The following TDP1 variants were observed in gnomAD, a reference collection of about 807,000 sequenced individuals.
The protein encoded by TDP1 is tyrosyl-DNA phosphodiesterase 1, also known as tyr-DNA phosphodiesterase 1.
In TDP1, 64 loss-of-function variants were observed where a neutral mutation model predicts 81.5. The ratio of observed to expected loss-of-function variants is 0.79; its 90% CI spans 0.64 to 0.97. TDP1 has a LOEUF of 0.97. Among genes scored for constraint, TDP1 ranks in the 50% least tolerant of loss-of-function variants. TDP1 has a pLI of 0.00. For missense variants in TDP1, 723 were observed against 743.8 expected, an observed-to-expected ratio of 0.97 and a Z score of 0.33; for synonymous variants, 256 against 264.3, an observed-to-expected ratio of 0.97 and a Z score of 0.30.
chr14:89,958,703 A>G lies in TDP1; in HGVS notation c.-8+1903A>G, dbSNP rs149049986. Among the ~76,000 whole-genome samples the G allele has an allele frequency of 2.3e-3, 343 of 152,304 alleles. 2 individuals are homozygous for G. The highest frequency in any genetic ancestry group is 7.3e-3 in the African/African-American group (303 of 41,564). ...TGCCAAGTGGGAAGAGGGGTTATCA[A>G]TCCGGTCCGTGGATTTACCCAACAC... On this transcript the variant is annotated intron_variant, in intron 2 of 16. Coordinates refer to ENST00000335725, the MANE Select transcript of TDP1 (RefSeq NM_018319.4).
At chr14:90,036,804 T>C (rs1010395005) in intron 16 of TDP1, among the ~76,000 whole-genome samples, 1,221 of 99,530 alleles carry the variant, frequency 0.012, no homozygotes, top group African/African-American at 0.025. Flanking sequence ...AAGAAGCCCC[T>C]CCCCCGCCCC....
At chr14:90,039,206 A>C (rs34130793) in intron 16 of TDP1, among the ~76,000 whole-genome samples, 5,357 of 152,310 alleles carry the variant, frequency 0.035, 134 homozygotes, top group South Asian at 0.067. Context: ...GAAAGGTGTT[A>C]ATGGGTTTCA....
chr14:89,962,883 AAG>A, intron 2 of TDP1: 1 of 984,072 alleles, frequency 1.0e-6, no homozygotes, highest in Non-Finnish European at 1.2e-6. Context: ...CAAAAAAAAA[AAG>A]GAAGAAAAAA....
intron 14 of TDP1, among the ~76,000 whole-genome samples, chr14:89,997,225 T>C (rs966850010): frequency 2.6e-5 from 4 of 152,190 alleles, no homozygotes; most frequent in Non-Finnish European, 5.9e-5. Flanking sequence ...CTAGACTCTG[T>C]GAGGCCAAGT....
chr14:89,958,331 C>T (rs898220072), intron 2 of TDP1: 4 of 152,224 alleles, frequency 2.6e-5, no homozygotes, highest in Admixed American at 6.5e-5. Context: ...TTAGCTGGTC[C>T]GAATTTCTTG....
At chr14:90,019,884 G>A (rs1044408702) in intron 15 of TDP1, among the ~76,000 whole-genome samples, 1 of 152,110 alleles carries the variant, frequency 6.6e-6, no homozygotes, top group Non-Finnish European at 1.5e-5. Context: ...TGGCATCAAC[G>A]TTGGAAAGGA....
chr14:89,990,834 G>A (rs984191997), intron 12 of TDP1, among the ~76,000 whole-genome samples: 5 of 149,598 alleles, frequency 3.3e-5, no homozygotes, highest in African/African-American at 9.9e-5. Context: ...GATCAGTGTG[G>A]AGAAGTTCCA....
At chr14:90,042,110 T>C (rs1395734928) in intron 16 of TDP1, among the ~76,000 whole-genome samples, 3 of 152,226 alleles carry the variant, frequency 2.0e-5, no homozygotes, top group Non-Finnish European at 4.4e-5. Context: ...CATGTTGTTT[T>C]CTTCAGCATT....
At chr14:89,983,248 C>A in intron 8 of TDP1, 1 of 423,396 alleles carries the variant, frequency 2.4e-6, no homozygotes. Context: ...GGCAAAGGCC[C>A]AGAGAGATCA....
intron 13 of TDP1, 95 bp from the exon 14 acceptor site, chr14:89,993,281 G>A (rs1896374968): frequency 7.9e-7 from 1 of 1,270,850 alleles, no homozygotes; most frequent in Non-Finnish European, 1.1e-6. Flanking sequence ...TTGATTTTTA[G>A]ATAATAGGCT....
At chr14:90,017,663 C>T (rs1885475555) in intron 14 of TDP1, among the ~76,000 whole-genome samples, 2 of 152,268 alleles carry the variant, frequency 1.3e-5, no homozygotes, top group East Asian at 1.9e-4. Flanking sequence ...GGCCAGAAAG[C>T]GATCATCTAA....
chr14:90,025,838 G>C (rs571772123), intron 15 of TDP1, among the ~76,000 whole-genome samples: 17 of 152,238 alleles, frequency 1.1e-4, no homozygotes, highest in African/African-American at 3.9e-4. Context: ...TCATTCCTTT[G>C]GTGTTTATTG....
chr14:90,004,255 CCTGA>C (rs959048414), intron 14 of TDP1, among the ~76,000 whole-genome samples: 32 of 152,216 alleles, frequency 2.1e-4, no homozygotes, highest in Admixed American at 1.8e-3. Flanking sequence ...GCTTGAGACC[CCTGA>C]CTTAGTGCCT....
Position 89,963,616 on chromosome 14 carries a change from C to G in TDP1, c.502C>G (p.Leu168Val). Reference protein sequence around the residue: ...LDKGNPFQFYLTRVSGVKPKY... With the variant: ...LDKGNPFQFYVTRVSGVKPKY... The stretch of plus-strand genomic sequence containing the variant: ...TAAAGGGAACCCCTTCCAGTTTTAC[C>G]TCACTAGAGTCTCTGGAGTTAAGCC... The change falls in exon 3 of 17, where the codon CTC becomes GTC. Residue 168 changes from leucine to valine, a missense_variant. By Grantham distance (32) the Leu-to-Val change is conservative. Coordinates refer to ENST00000335725, the MANE Select transcript of TDP1 (RefSeq NM_018319.4). The G allele has an allele frequency of 6.2e-7, 1 of 1,614,114 alleles. No homozygotes were observed.
At chr14:89,967,265 C>T in intron 4 of TDP1, 102 bp from the exon 5 acceptor site, 1 of 1,346,024 alleles carries the variant, frequency 7.4e-7, no homozygotes, top group East Asian at 2.3e-5. Flanking sequence ...TAGTGTATCA[C>T]TATTTTAGAG....
chr14:90,000,727 C>T (rs921992133), intron 14 of TDP1, among the ~76,000 whole-genome samples: 2 of 152,168 alleles, frequency 1.3e-5, no homozygotes, highest in Non-Finnish European at 2.9e-5. Flanking sequence ...ATCTTATTCT[C>T]CAATTTTGGC....
rs750979334 is a variant in TDP1, at chr14:90,030,117, A to C, written c.1645-2989A>C. ...CTGCAAAAGCAAGAGATAATTAGGG[A>C]CTTCCTCAGATCCAGAGTGTGTCAA... On this transcript the variant is annotated intron_variant, in intron 15 of 16. Coordinates refer to ENST00000335725, the MANE Select transcript of TDP1 (RefSeq NM_018319.4). Among the ~76,000 whole-genome samples the C allele has an allele frequency of 8.5e-5, 13 of 152,178 alleles. 1 individual carries two copies. Among genetic ancestry groups the C allele is most frequent in the Admixed American group, 1.3e-4 (2 of 15,288 alleles).
chr14:90,019,080 C>T (rs1885657064), intron 14 of TDP1: 40 of 984,764 alleles, frequency 4.1e-5, no homozygotes, highest in Non-Finnish European at 4.7e-5. Flanking sequence ...TAGCTGCCCT[C>T]AGGAAAATGC....
Position 90,043,127 on chromosome 14 carries a change from T to C in TDP1, c.1811T>C (p.Met604Thr), listed in dbSNP as rs1044550706. Residue 604 changes from methionine to threonine, a missense_variant, in exon 17 of 17, where the codon ATG becomes ACG. By Grantham distance (81) the Met-to-Thr change is moderately conservative. Transcript: ENST00000335725. ...YVKAPDTHGNMWVPS is the reference protein window; with the variant it reads ...YVKAPDTHGNTWVPS ...AAAGCACCGGATACGCATGGGAACA[T>C]GTGGGTGCCCTCCTGAGAATCTTGA... The C allele has an allele frequency of 6.2e-7, 1 of 1,614,202 alleles. No homozygotes were observed. Among genetic ancestry groups the C allele is most frequent in the African/African-American group, 1.3e-5 (1 of 75,050 alleles).
Sources: gnomAD v4.1 joint callset for allele counts (sites outside exome capture counted in the v4.1 genomes callset) on GRCh38, gnomAD v4.1.1 for gene constraint, MANE v1.5 for transcripts, NCBI Gene and HGNC (gene_info 2026-07-23, HGNC 2026-07-21) for gene names.